The following ANKRD30B variants were observed in gnomAD, a reference collection of about 807,000 sequenced individuals.
ANKRD30B encodes the protein ankyrin repeat domain-containing protein 30B.
Under a neutral mutation model 202.2 loss-of-function variants are expected in ANKRD30B, and 144 were observed. The observed-to-expected ratio is 0.71, with a 90% confidence interval of 0.62 to 0.82. The LOEUF is 0.82. Ranked by LOEUF, ANKRD30B falls within the 40% of genes least tolerant of loss-of-function variation. The pLI, the probability that ANKRD30B is intolerant of heterozygous loss-of-function variation, is 0.00. For missense variants in ANKRD30B, 1,487 were observed against 1,669.1 expected (o/e 0.89, Z 1.90); for synonymous variants, 508 against 561.3 (o/e 0.91, Z 1.34).
chr18:14,929,439 G>A, the ANKRD30B span, among the ~76,000 whole-genome samples: 6 of 152,144 alleles, frequency 3.9e-5, no homozygotes, highest in South Asian at 1.2e-3. Context: ...AGACTTCAAA[G>A]CTTCAGTGAT....
the ANKRD30B span, among the ~76,000 whole-genome samples, chr18:14,932,686 C>T: frequency 6.6e-6 from 1 of 152,112 alleles, no homozygotes; most frequent in Non-Finnish European, 1.5e-5. Flanking sequence ...TGTTCTGGGA[C>T]CCAAGTCCAT....
At chr18:14,902,669 T>C in the ANKRD30B span, among the ~76,000 whole-genome samples, 2 of 152,158 alleles carry the variant, frequency 1.3e-5, no homozygotes, top group Non-Finnish European at 2.9e-5. Context: ...GTCTGTATCC[T>C]TTAGTTCCTC....
In ANKRD30B at chr18:14,854,258, A is replaced by C. The variant is rs955701212; in HGVS notation, c.*100A>C. Among the ~76,000 whole-genome samples, 3 of 152,302 alleles carry C rather than the reference A, an allele frequency of 2.0e-5. No homozygotes were observed. The highest frequency in any genetic ancestry group is 7.2e-5 in the African/African-American group (3 of 41,564). On this transcript the variant is annotated 3_prime_UTR_variant, in exon 44 of 44. Coordinates refer to ENST00000690538, the MANE Select transcript of ANKRD30B (RefSeq NM_001367607.2). ...CATTTTAAAGTTAAACAAGAAGAAA[A>C]GGTAAAATGAAAAGAAATAACCAAA...
intron 1 of ANKRD30B, among the ~76,000 whole-genome samples, chr18:14,751,661 G>C (rs1913476429): frequency 6.6e-6 from 1 of 152,034 alleles, no homozygotes; most frequent in African/African-American, 2.4e-5. Flanking sequence ...AATCTAAATA[G>C]GGAATAAAAT....
intron 34 of ANKRD30B, 140 bp from the exon 35 acceptor site, chr18:14,837,071 A>G (rs1339110123): frequency 6.9e-6 from 4 of 579,008 alleles, no homozygotes; most frequent in African/African-American, 5.7e-5. Context: ...GATAGTGCCT[A>G]TGATTTGACA....
At chr18:14,925,623 G>A in the ANKRD30B span, among the ~76,000 whole-genome samples, 30 of 152,388 alleles carry the variant, frequency 2.0e-4, 1 homozygote, top group East Asian at 5.0e-3. Context: ...TGAGGGAAGA[G>A]TGTATTCGGC....
At chr18:14,771,241 T>A (rs2143796256) in intron 8 of ANKRD30B, among the ~76,000 whole-genome samples, 1 of 152,312 alleles carries the variant, frequency 6.6e-6, no homozygotes, top group South Asian at 2.1e-4. Context: ...GAGACTGCCA[T>A]GAAGCCCTGC....
intron 36 of ANKRD30B, among the ~76,000 whole-genome samples, chr18:14,838,027 C>CA (rs887670515): frequency 2.1e-4 from 32 of 149,906 alleles, no homozygotes; most frequent in Admixed American, 1.1e-3. Flanking sequence ...AAAAACAAAC[C>CA]AAAAAAAAAG....
chr18:14,935,254 C>T, the ANKRD30B span, among the ~76,000 whole-genome samples: 3 of 152,184 alleles, frequency 2.0e-5, no homozygotes, highest in South Asian at 6.2e-4. Context: ...GCTTCCTGTG[C>T]TGCTAGGACA....
At chr18:14,866,633 T>C in the ANKRD30B span, among the ~76,000 whole-genome samples, 1 of 152,002 alleles carries the variant, frequency 6.6e-6, no homozygotes, top group Non-Finnish European at 1.5e-5. Flanking sequence ...AGTAGAAAGA[T>C]GGCAGGGTAG....
At chr18:14,937,839 T>C in the ANKRD30B span, among the ~76,000 whole-genome samples, 337 of 152,322 alleles carry the variant, frequency 2.2e-3, 1 homozygote, top group South Asian at 0.012. Context: ...TGGACAACTT[T>C]ATCTTGTAAC....
intron 41 of ANKRD30B, among the ~76,000 whole-genome samples, chr18:14,851,020 A>G (rs2143268113): frequency 6.6e-6 from 1 of 152,022 alleles, no homozygotes; most frequent in East Asian, 1.9e-4. Context: ...AATTAACTAT[A>G]TTTTTTAGAA....
chr18:14,862,594 A>G, the ANKRD30B span, among the ~76,000 whole-genome samples: 328 of 152,346 alleles, frequency 2.2e-3, 1 homozygote, highest in Non-Finnish European at 3.5e-3. Flanking sequence ...CAGTGCCAAC[A>G]GGAAATATGG....
chr18:14,890,327 A>G, the ANKRD30B span, among the ~76,000 whole-genome samples: 2 of 151,986 alleles, frequency 1.3e-5, no homozygotes, highest in African/African-American at 4.8e-5. Flanking sequence ...TGTCTGTATC[A>G]AATAAATAGT....
the ANKRD30B span, among the ~76,000 whole-genome samples, chr18:14,937,841 T>G: frequency 6.6e-6 from 1 of 152,180 alleles, no homozygotes; most frequent in Non-Finnish European, 1.5e-5. Context: ...GACAACTTTA[T>G]CTTGTAACAA....
chr18:14,786,192 T>A (rs181172835), intron 14 of ANKRD30B, among the ~76,000 whole-genome samples: 1 of 152,314 alleles, frequency 6.6e-6, no homozygotes, highest in African/African-American at 2.4e-5. Context: ...TTGTAATTTG[T>A]ACTTTTTGCT....
rs762718692 is a variant in ANKRD30B at position 14,791,461 on chromosome 18, G to C, written c.1795G>C (p.Glu599Gln). The C allele has an allele frequency of 6.2e-7, 1 of 1,610,700 alleles. No homozygotes were observed. Among genetic ancestry groups the C allele is most frequent in the South Asian group, 1.1e-5 (1 of 90,538 alleles). Reference protein sequence around the residue: ...VYLPKATHQKEFDTLSGKLEE... With the variant: ...VYLPKATHQKQFDTLSGKLEE... ...TTTACCCAAAGCTACACATCAAAAA[G>C]AATTCGATACCTTAAGTGGAAAATT... Residue 599 changes from glutamate to glutamine, a missense_variant, in exon 16 of 44, where the codon GAA (glutamate) becomes CAA (glutamine). Glu to Gln is a conservative substitution (Grantham distance 29). Coordinates refer to ENST00000690538, the MANE Select transcript of ANKRD30B (RefSeq NM_001367607.2).
the ANKRD30B span, chr18:14,915,622 G>A: frequency 6.6e-6 from 1 of 152,160 alleles, no homozygotes; most frequent in Admixed American, 6.5e-5. Flanking sequence ...CATCAACCAA[G>A]CTACTGGGTC....
intron 24 of ANKRD30B, 120 bp from the exon 25 acceptor site, chr18:14,808,431 T>C: frequency 1.8e-6 from 2 of 1,083,222 alleles, no homozygotes; most frequent in Non-Finnish European, 1.4e-6. Context: ...CCCCAAAACC[T>C]AGTGTAATCC....
Sources: allele counts gnomAD v4.1 joint callset (sites outside exome capture counted in the v4.1 genomes callset), GRCh38; gene constraint gnomAD v4.1.1; transcripts MANE v1.5; gene names NCBI Gene and HGNC (gene_info 2026-07-23, HGNC 2026-07-21).